Variants in UCK2 observed in about 807,000 individuals in gnomAD.
The protein encoded by UCK2 is cytidine monophosphokinase 2.
In UCK2, 6 loss-of-function variants were observed where a neutral mutation model predicts 30.8. That is an observed-to-expected ratio of 0.19 (90% CI 0.11 to 0.38). UCK2 has a LOEUF of 0.38. Among genes scored for constraint, UCK2 ranks in the 10% least tolerant of loss-of-function variants. The pLI is 1.00. For synonymous variants in UCK2, 125 were observed against 133.6 expected (o/e 0.94, Z 0.45); for missense variants, 210 against 339.8 (o/e 0.62, Z 3.00).
At position 165,907,667 on chromosome 1, in the gene UCK2, T is replaced by G. The variant is rs1270432277; in HGVS notation, c.647-17T>G. On this transcript the variant is annotated splice_polypyrimidine_tract_variant and intron_variant, in intron 6 of 6. Transcript: ENST00000367879. ...CATGCCTGCACCCGTAACGCTCTGC[T>G]GGTCTCTGCCCCACAGTGGCCATCA... 1 of 1,613,644 alleles carries G rather than the reference T, an allele frequency of 6.2e-7. No individual in the cohort carries two copies. Among genetic ancestry groups the G allele is most frequent in the African/African-American group, 1.3e-5 (1 of 74,928 alleles).
At chr1:165,905,492 A>AG (rs373918385) in intron 5 of UCK2, among the ~76,000 whole-genome samples, 283 of 151,920 alleles carry the variant, frequency 1.9e-3, no homozygotes, top group African/African-American at 6.5e-3. Context: ...TTAAAAAAAA[A>AG]AGAGAGAGTG....
rs189977704 is a variant in UCK2 at position 165,895,159 on chromosome 1, A to T, written c.357-1031A>T. 1.3e-4 allele frequency among the ~76,000 whole-genome samples: 20 copies of T among 152,304 alleles called. No individual in the cohort carries two copies. In the East Asian group the frequency reaches 3.7e-3, roughly 28 times the overall value. On this transcript the variant is annotated intron_variant, in intron 3 of 6. Coordinates refer to ENST00000367879, the MANE Select transcript of UCK2 (RefSeq NM_012474.5). The stretch of plus-strand genomic sequence containing the variant: ...TTGAGCTTGGTAGCTCATGCCTGTA[A>T]TCCTAGCACTTTGGGAGGCTGAGGT...
intron 1 of UCK2, among the ~76,000 whole-genome samples, chr1:165,889,572 C>A (rs893803777): frequency 1.3e-5 from 2 of 152,058 alleles, no homozygotes; most frequent in African/African-American, 4.8e-5. Flanking sequence ...CCTTCCCCCA[C>A]CATCACTGCA....
chr1:165,891,356 C>A, intron 3 of UCK2, 34 bp downstream of exon 3: 1 of 1,586,806 alleles, frequency 6.3e-7, no homozygotes, highest in South Asian at 1.1e-5. Context: ...GGATGGCACC[C>A]ACTGCTCCGC....
At chr1:165,867,163 C>T (rs1307859047) in intron 1 of UCK2, among the ~76,000 whole-genome samples, 1 of 152,288 alleles carries the variant, frequency 6.6e-6, no homozygotes, top group African/African-American at 2.4e-5. Context: ...TGCTTTATTA[C>T]TAAAAATCGT....
intron 1 of UCK2, 50 bp downstream of exon 1, chr1:165,827,982 C>A: frequency 1.6e-6 from 2 of 1,240,142 alleles, no homozygotes; most frequent in South Asian, 6.7e-5. Context: ...TGTCCCTGGG[C>A]GGCGCATGTG....
intron 1 of UCK2, among the ~76,000 whole-genome samples, chr1:165,856,467 A>G (rs865987087): frequency 2.2e-4 from 25 of 112,060 alleles, no homozygotes; most frequent in Non-Finnish European, 3.6e-4. Context: ...AGTAACTTGT[A>G]ATGAGCTTCA....
Position 165,880,662 on chromosome 1 carries a change from A to G in UCK2, c.100-9542A>G, listed in dbSNP as rs569983696. 3.3e-5 allele frequency among the ~76,000 whole-genome samples: 5 copies of G among 152,138 alleles called. No individual in the cohort carries two copies. In the South Asian group the frequency reaches 1.0e-3, roughly 32 times the overall value. ...TGGGGACAAATACAAAGTAGGATCC[A>G]TAGACTCCATATTCAGGCTTAGAAT... On this transcript the variant is annotated intron_variant, in intron 1 of 6. Coordinates refer to ENST00000367879, the MANE Select transcript of UCK2 (RefSeq NM_012474.5).
intron 1 of UCK2, among the ~76,000 whole-genome samples, chr1:165,860,964 T>G (rs1327686333): frequency 6.6e-6 from 1 of 152,192 alleles, no homozygotes; most frequent in Non-Finnish European, 1.5e-5. Flanking sequence ...TCCAGTCTAC[T>G]ATAATAAAAT....
intron 1 of UCK2, among the ~76,000 whole-genome samples, chr1:165,846,193 T>C (rs1654443865): frequency 6.6e-6 from 1 of 152,190 alleles, no homozygotes; most frequent in African/African-American, 2.4e-5. Flanking sequence ...AGCTAGCTAC[T>C]CTAGAGACTG....
chr1:165,846,820 A>C (rs1248544572), intron 1 of UCK2, among the ~76,000 whole-genome samples: 1 of 152,184 alleles, frequency 6.6e-6, no homozygotes, highest in African/African-American at 2.4e-5. Flanking sequence ...TATCAGTGGG[A>C]ATAAAATGAG....
intron 1 of UCK2, among the ~76,000 whole-genome samples, chr1:165,835,766 ATATT>A (rs1374113305): frequency 6.6e-6 from 1 of 152,108 alleles, no homozygotes; most frequent in East Asian, 1.9e-4. Flanking sequence ...CCCCTGCAAA[ATATT>A]AATTTAATTT....
rs906832304 is a variant in UCK2 at position 165,835,963 on chromosome 1, T to A, written c.99+8031T>A. 4.6e-5 allele frequency among the ~76,000 whole-genome samples: 7 copies of A among 152,354 alleles called. No individual in the cohort carries two copies. The Middle Eastern group carries it at 0.01, about 222-fold the overall frequency. The stretch of plus-strand genomic sequence containing the variant: ...AATGGATACTGCCGGGCGCGGTGGC[T>A]CATGCCTGTAATCCTAGCACTTTGA... On this transcript the variant is annotated intron_variant, in intron 1 of 6. Transcript: ENST00000367879.
chr1:165,896,447 G>A, intron 4 of UCK2, 115 bp downstream of exon 4: 1 of 1,260,626 alleles, frequency 7.9e-7, no homozygotes, highest in Non-Finnish European at 1.1e-6. Flanking sequence ...CTTCCCTGAG[G>A]CAGCTGTGTG....
chr1:165,873,191 A>G (rs1354571495), intron 1 of UCK2, among the ~76,000 whole-genome samples: 1 of 152,240 alleles, frequency 6.6e-6, no homozygotes, highest in East Asian at 1.9e-4. Flanking sequence ...TGAAGAAGGG[A>G]CAGATTATAG....
intron 1 of UCK2, among the ~76,000 whole-genome samples, chr1:165,830,852 A>G (rs1176283238): frequency 1.3e-5 from 2 of 152,068 alleles, no homozygotes; most frequent in Non-Finnish European, 2.9e-5. Context: ...TGGGCAACAT[A>G]GTGAGACCCC....
chr1:165,890,583 C>G (rs1024415745), intron 2 of UCK2, among the ~76,000 whole-genome samples: 1 of 152,196 alleles, frequency 6.6e-6, no homozygotes, highest in African/African-American at 2.4e-5. Context: ...CTGATTGAAT[C>G]TGTATCTGAA....
intron 1 of UCK2, among the ~76,000 whole-genome samples, chr1:165,852,494 G>A (rs1326640688): frequency 1.3e-5 from 2 of 152,126 alleles, no homozygotes; most frequent in African/African-American, 4.8e-5. Context: ...TCAGAGAAAC[G>A]CAAATCAAAA....
intron 1 of UCK2, among the ~76,000 whole-genome samples, chr1:165,832,994 T>G (rs1654090184): frequency 6.6e-6 from 1 of 152,110 alleles, no homozygotes; most frequent in Non-Finnish European, 1.5e-5. Flanking sequence ...CATTATAGGA[T>G]AAGAGAGGAG....
Sources: allele counts gnomAD v4.1 joint callset (sites outside exome capture counted in the v4.1 genomes callset), GRCh38; gene constraint gnomAD v4.1.1; transcripts MANE v1.5; gene names NCBI Gene and HGNC (gene_info 2026-07-23, HGNC 2026-07-21).